Variants in LDB2 observed in about 807,000 individuals in gnomAD.
LDB2 encodes LIM domain-binding protein 2.
A neutral mutation model predicts 44.3 loss-of-function variants in LDB2; 12 were observed. The observed-to-expected ratio is 0.27, with a 90% CI of 0.17 to 0.44. The LOEUF (loss-of-function observed/expected upper bound fraction) is 0.44, where lower values mean the gene tolerates loss of function less well. Among genes scored for constraint, LDB2 ranks in the 20% least tolerant of loss-of-function variants. LDB2 has a pLI of 1.00. For missense variants in LDB2, 344 were observed against 473.5 expected (o/e 0.73, Z 2.54); for synonymous variants, 164 against 174.8 (o/e 0.94, Z 0.49).
intron 2 of LDB2, among the ~76,000 whole-genome samples, chr4:16,706,477 C>T (rs756809710): frequency 1.3e-5 from 2 of 152,200 alleles, no homozygotes; most frequent in East Asian, 1.9e-4. Context: ...AATTCTAGAA[C>T]TGCGAGAAAT....
chr4:16,819,326 G>A (rs1463015672), intron 1 of LDB2, among the ~76,000 whole-genome samples: 1 of 151,758 alleles, frequency 6.6e-6, no homozygotes, highest in African/African-American at 2.4e-5. Flanking sequence ...TGAATAAAAT[G>A]GCCATTTGTT....
intron 2 of LDB2, among the ~76,000 whole-genome samples, chr4:16,657,400 G>A (rs527439892): frequency 4.6e-5 from 7 of 152,200 alleles, no homozygotes; most frequent in South Asian, 2.1e-4. Context: ...CTAATTGGTC[G>A]TGATGAACTA....
At chr4:16,704,864 G>T (rs1013605856) in intron 2 of LDB2, among the ~76,000 whole-genome samples, 8 of 152,142 alleles carry the variant, frequency 5.3e-5, no homozygotes, top group Admixed American at 5.2e-4. Flanking sequence ...AAGGAGGCAG[G>T]TAGAAAATAA....
chr4:16,729,279 C>T (rs180922078), intron 2 of LDB2, among the ~76,000 whole-genome samples: 2 of 152,150 alleles, frequency 1.3e-5, no homozygotes, highest in Non-Finnish European at 2.9e-5. Flanking sequence ...TTTAAAAAAG[C>T]CTTTATAAGC....
chr4:16,664,060 G>T (rs1405074832), intron 2 of LDB2, among the ~76,000 whole-genome samples: 2 of 152,124 alleles, frequency 1.3e-5, no homozygotes, highest in East Asian at 3.8e-4. Context: ...AATAGGAAGA[G>T]ATGTCTTCTA....
chr4:16,802,278 G>A (rs1340104374), intron 1 of LDB2, among the ~76,000 whole-genome samples: 1 of 152,184 alleles, frequency 6.6e-6, no homozygotes, highest in African/African-American at 2.4e-5. Context: ...AGTCACTGCT[G>A]ATTGTCTATT....
intron 1 of LDB2, among the ~76,000 whole-genome samples, chr4:16,786,393 CAGA>C (rs1274243217): frequency 2.0e-5 from 3 of 152,168 alleles, no homozygotes; most frequent in Non-Finnish European, 4.4e-5. Context: ...CTCAAGGAAG[CAGA>C]AGATTTCAGC....
At chr4:16,852,141 T>G (rs1185204963) in intron 1 of LDB2, among the ~76,000 whole-genome samples, 3 of 152,072 alleles carry the variant, frequency 2.0e-5, no homozygotes, top group Non-Finnish European at 2.9e-5. Flanking sequence ...TCTTTTGGGG[T>G]TTTTATGAAG....
At chr4:16,527,856 C>T (rs908196317) in intron 5 of LDB2, among the ~76,000 whole-genome samples, 2 of 152,004 alleles carry the variant, frequency 1.3e-5, no homozygotes, top group Admixed American at 6.6e-5. Context: ...TGTTAATTAT[C>T]TTTATTTCAG....
At chr4:16,507,341 C>A (rs576625018) in intron 7 of LDB2, 1 of 152,162 alleles carries the variant, frequency 6.6e-6, no homozygotes, top group African/African-American at 2.4e-5. Flanking sequence ...CCCAAGGAAT[C>A]CTCAGGGTAC....
chr4:16,584,503 C>T (rs1395981160), intron 5 of LDB2, among the ~76,000 whole-genome samples: 2 of 152,190 alleles, frequency 1.3e-5, no homozygotes, highest in Non-Finnish European at 2.9e-5. Context: ...ACCCTCGGTG[C>T]CTCACTTTGC....
At chr4:16,631,293 C>A (rs1731882140) in intron 2 of LDB2, among the ~76,000 whole-genome samples, 1 of 152,168 alleles carries the variant, frequency 6.6e-6, no homozygotes, top group African/African-American at 2.4e-5. Flanking sequence ...CTCGAAACCA[C>A]ACAACTACAT....
chr4:16,506,082 C>CTGT, intron 7 of LDB2: 2 of 1,280,140 alleles, frequency 1.6e-6, no homozygotes, highest in Non-Finnish European at 2.1e-6. Flanking sequence ...CAGCTGTGGT[C>CTGT]ATAGTGGCAC....
chr4:16,768,189 A>G (rs963321494), intron 1 of LDB2, among the ~76,000 whole-genome samples: 20 of 152,242 alleles, frequency 1.3e-4, no homozygotes, highest in Admixed American at 1.0e-3. Flanking sequence ...TTCCTTGAAA[A>G]TGTGTTTTTT....
chr4:16,740,568 A>C, intron 2 of LDB2, among the ~76,000 whole-genome samples: 1 of 152,202 alleles, frequency 6.6e-6, no homozygotes, highest in East Asian at 1.9e-4. Flanking sequence ...AACTTTCTGC[A>C]TCGGTTTGAT....
At chr4:16,824,767 G>A (rs1782750025) in intron 1 of LDB2, among the ~76,000 whole-genome samples, 1 of 152,234 alleles carries the variant, frequency 6.6e-6, no homozygotes, top group South Asian at 2.1e-4. Flanking sequence ...GTTCACCCAT[G>A]CTTTTAAGAC....
At chr4:16,840,151 G>T (rs1785600248) in intron 1 of LDB2, among the ~76,000 whole-genome samples, 2 of 152,140 alleles carry the variant, frequency 1.3e-5, no homozygotes, top group Admixed American at 6.5e-5. Flanking sequence ...GACCTAAGAA[G>T]TTGAGTAACT....
intron 2 of LDB2, among the ~76,000 whole-genome samples, chr4:16,723,067 G>A (rs1758647011): frequency 6.6e-6 from 1 of 152,114 alleles, no homozygotes; most frequent in East Asian, 1.9e-4. Flanking sequence ...GTAAGTTAAG[G>A]AGCATCTGTA....
intron 2 of LDB2, among the ~76,000 whole-genome samples, chr4:16,623,352 C>T (rs1387953150): frequency 6.6e-6 from 1 of 152,192 alleles, no homozygotes; most frequent in Non-Finnish European, 1.5e-5. Flanking sequence ...AATCCCAGCA[C>T]TTTGAGAGAC....
Sources: allele counts gnomAD v4.1 joint callset (sites outside exome capture counted in the v4.1 genomes callset), GRCh38; gene constraint gnomAD v4.1.1; transcripts MANE v1.5; gene names NCBI Gene and HGNC (gene_info 2026-07-23, HGNC 2026-07-21).